Variants in DACH2 observed in about 807,000 individuals in gnomAD.
The protein encoded by DACH2 is dachshund homolog 2.
Under a neutral mutation model 35.8 loss-of-function variants are expected in DACH2, and 17 were observed. That is an observed-to-expected ratio of 0.48 (90% CI 0.33 to 0.71). The LOEUF is 0.71. Among genes scored for constraint, DACH2 ranks in the 30% least tolerant of loss-of-function variants. The pLI, the probability that DACH2 is intolerant of heterozygous loss-of-function variation, is 0.02. For missense variants in DACH2, 469 were observed against 472.7 expected (o/e 0.99, Z 0.07); for synonymous variants, 195 against 177.3 (o/e 1.10, Z -0.79).
rs751149957 is a variant in DACH2, at chrX:86,486,399, G to A, written c.528-27880G>A. On this transcript the variant is annotated intron_variant, in intron 2 of 11. Coordinates refer to ENST00000373125, the MANE Select transcript of DACH2 (RefSeq NM_053281.3). ...CAAGCTTACAACTGTGAAACTTGTAGTCCACTTACTTAGTTTCTGTCTGGT... is the reference window on the plus strand; with the variant it reads ...CAAGCTTACAACTGTGAAACTTGTAATCCACTTACTTAGTTTCTGTCTGGT... Among the ~76,000 whole-genome samples, 3 of 110,147 alleles carry A rather than the reference G, an allele frequency of 2.7e-5. No homozygotes were observed. In the South Asian group the frequency reaches 1.1e-3, roughly 42 times the overall value.
chrX:86,405,001 T>G (rs2036503253), intron 2 of DACH2, among the ~76,000 whole-genome samples: 1 of 112,140 alleles, frequency 8.9e-6, no homozygotes, highest in South Asian at 3.7e-4. Context: ...TGTCCCCTTT[T>G]AGCCACAGCC....
chrX:86,499,701 A>G (rs1204538895), intron 2 of DACH2, among the ~76,000 whole-genome samples: 1 of 112,051 alleles, frequency 8.9e-6, no homozygotes, highest in African/African-American at 3.2e-5. Flanking sequence ...CAGATACATT[A>G]TCATGTCTTC....
At chrX:86,344,233 A>G (rs749527140) in intron 1 of DACH2, among the ~76,000 whole-genome samples, 2 of 108,876 alleles carry the variant, frequency 1.8e-5, no homozygotes, top group Non-Finnish European at 3.8e-5. Context: ...AAATAAATAA[A>G]CAAATTCCAT....
At chrX:86,765,291 A>T (rs966961155) in intron 7 of DACH2, among the ~76,000 whole-genome samples, 1 of 111,447 alleles carries the variant, frequency 9.0e-6, no homozygotes, top group African/African-American at 3.3e-5. Flanking sequence ...TTAGCCATAA[A>T]TTTTTTGCCA....
chrX:86,491,272 C>A (rs1225691789), intron 2 of DACH2, among the ~76,000 whole-genome samples: 1 of 111,824 alleles, frequency 8.9e-6, no homozygotes, highest in East Asian at 2.8e-4. Flanking sequence ...ACAGGACACA[C>A]TTCTTAACAG....
intron 1 of DACH2, among the ~76,000 whole-genome samples, chrX:86,247,924 G>T (rs1420346329): frequency 9.0e-6 from 1 of 111,244 alleles, no homozygotes; most frequent in Non-Finnish European, 1.9e-5. Flanking sequence ...CACATAGATA[G>T]AACTAGAAAC....
intron 2 of DACH2, among the ~76,000 whole-genome samples, chrX:86,415,407 C>A (rs2036687125): frequency 9.0e-6 from 1 of 111,725 alleles, no homozygotes; most frequent in Non-Finnish European, 1.9e-5. Flanking sequence ...TGCCTAATTC[C>A]AAATCATCTT....
At chrX:86,429,635 A>G (rs762346460) in intron 2 of DACH2, among the ~76,000 whole-genome samples, 8 of 108,936 alleles carry the variant, frequency 7.3e-5, no homozygotes, top group African/African-American at 2.7e-4. Context: ...ATCTCGGCTC[A>G]CTGCAACCTC....
chrX:86,505,568 G>T (rs1051249082), intron 2 of DACH2, among the ~76,000 whole-genome samples: 9 of 111,764 alleles, frequency 8.1e-5, no homozygotes, highest in African/African-American at 2.9e-4. Context: ...ATTTCACTTA[G>T]CATGATGCCC....
intron 3 of DACH2, among the ~76,000 whole-genome samples, chrX:86,636,755 C>G (rs901841724): frequency 9.0e-6 from 1 of 110,584 alleles, no homozygotes; most frequent in Non-Finnish European, 1.9e-5. Context: ...ACTATAAAAA[C>G]CCTAGAATAC....
chrX:86,613,065 T>G lies in DACH2; in HGVS notation c.641-37971T>G, dbSNP rs1401626339. On this transcript the variant is annotated intron_variant, in intron 3 of 11. Coordinates refer to ENST00000373125, the MANE Select transcript of DACH2 (RefSeq NM_053281.3). ...CTAGGTTTTCCTATCCAAAGTCAAATGCATGTTAACATGAATAAATAGCAG... is the reference window on the plus strand; with the variant it reads ...CTAGGTTTTCCTATCCAAAGTCAAAGGCATGTTAACATGAATAAATAGCAG... Among the ~76,000 whole-genome samples the G allele has an allele frequency of 3.6e-5, 4 of 112,415 alleles. No individual in the cohort carries two copies. The East Asian group carries it at 1.1e-3, about 31-fold the overall frequency.
intron 1 of DACH2, among the ~76,000 whole-genome samples, chrX:86,184,962 G>A (rs1391923571): frequency 9.0e-6 from 1 of 111,441 alleles, no homozygotes; most frequent in Non-Finnish European, 1.9e-5. Flanking sequence ...TCAAATAGGG[G>A]ATTAGGTACC....
chrX:86,279,068 A>G (rs2033973122), intron 1 of DACH2, among the ~76,000 whole-genome samples: 1 of 111,936 alleles, frequency 8.9e-6, no homozygotes, highest in Non-Finnish European at 1.9e-5. Context: ...TAAAACTCCC[A>G]TCTCCCTGGG....
At chrX:86,435,276 T>A (rs1254967129) in intron 2 of DACH2, among the ~76,000 whole-genome samples, 1 of 111,883 alleles carries the variant, frequency 8.9e-6, no homozygotes, top group African/African-American at 3.3e-5. Context: ...GATTCTAGCT[T>A]CTGTTGTGGC....
intron 1 of DACH2, among the ~76,000 whole-genome samples, chrX:86,220,645 G>A (rs934274469): frequency 3.6e-5 from 4 of 111,948 alleles, no homozygotes; most frequent in Admixed American, 9.5e-5. Flanking sequence ...GGTTGTCTTC[G>A]TGTTTTGGCT....
chrX:86,637,822 C>T (rs897918380), intron 3 of DACH2, among the ~76,000 whole-genome samples: 2 of 111,039 alleles, frequency 1.8e-5, no homozygotes, highest in Admixed American at 9.6e-5. Context: ...AACAAACCCT[C>T]GTGACACAAA....
intron 4 of DACH2, among the ~76,000 whole-genome samples, chrX:86,676,558 G>C (rs1357612817): frequency 2.7e-5 from 3 of 111,432 alleles, no homozygotes; most frequent in African/African-American, 6.5e-5. Flanking sequence ...CATCATAGTA[G>C]GGTTGGTGTG....
chrX:86,548,667 CAA>C (rs776727403), intron 3 of DACH2, among the ~76,000 whole-genome samples: 2 of 111,745 alleles, frequency 1.8e-5, no homozygotes, highest in Non-Finnish European at 3.8e-5. Flanking sequence ...TAGAGAATAC[CAA>C]AAGACAGCAT....
intron 3 of DACH2, among the ~76,000 whole-genome samples, chrX:86,605,519 C>T (rs183941935): frequency 1.3e-3 from 139 of 110,646 alleles, no homozygotes; most frequent in Middle Eastern, 4.7e-3. Context: ...TTCTTTTATA[C>T]GTAATATAAC....
Sources: allele counts gnomAD v4.1 joint callset (sites outside exome capture counted in the v4.1 genomes callset), GRCh38; gene constraint gnomAD v4.1.1; transcripts MANE v1.5; gene names NCBI Gene and HGNC (gene_info 2026-07-23, HGNC 2026-07-21).